Variants in RSF1 observed in about 807,000 individuals in gnomAD.
The protein encoded by RSF1 is remodeling and spacing factor 1.
In RSF1, 13 loss-of-function variants were observed where a neutral mutation model predicts 145.2. That is an observed-to-expected ratio of 0.09 (90% CI 0.06 to 0.14). RSF1 has a LOEUF of 0.14. RSF1 is among the 10% of genes least tolerant of loss of function. The pLI, the probability that RSF1 is intolerant of heterozygous loss-of-function variation, is 1.00. For synonymous variants in RSF1, 577 were observed against 592.6 expected (o/e 0.97, Z 0.38); for missense variants, 1,517 against 1,718.2 (o/e 0.88, Z 2.07).
chr11:77,799,752 G>A (rs182475310), intron 1 of RSF1, among the ~76,000 whole-genome samples: 117 of 152,202 alleles, frequency 7.7e-4, no homozygotes, highest in African/African-American at 2.8e-3. Context: ...TAATAAAATT[G>A]ATAAACCTTT....
chr11:77,806,419 G>T (rs188138076), intron 1 of RSF1, among the ~76,000 whole-genome samples: 1 of 152,110 alleles, frequency 6.6e-6, no homozygotes, highest in Admixed American at 6.5e-5. Context: ...CCCAAAAAAT[G>T]AGTTGAGTGA....
chr11:77,812,851 C>T (rs1292111971), intron 1 of RSF1, among the ~76,000 whole-genome samples: 1 of 143,106 alleles, frequency 7.0e-6, no homozygotes, highest in Non-Finnish European at 1.5e-5. Flanking sequence ...GATCGCACTA[C>T]TACACTCTAG....
chr11:77,705,478 T>C (rs1305556248), intron 5 of RSF1, among the ~76,000 whole-genome samples: 4 of 152,214 alleles, frequency 2.6e-5, no homozygotes, highest in African/African-American at 7.2e-5. Context: ...TAATGATACA[T>C]TGAATATTCT....
At chr11:77,856,670 A>G in the RSF1 span, among the ~76,000 whole-genome samples, 2 of 152,124 alleles carry the variant, frequency 1.3e-5, no homozygotes, top group Admixed American at 6.6e-5. Flanking sequence ...CACATCTTAC[A>G]TGGCTGGAGC....
At chr11:77,732,666 A>T (rs1371910012) in intron 4 of RSF1, among the ~76,000 whole-genome samples, 1 of 152,118 alleles carries the variant, frequency 6.6e-6, no homozygotes, top group Non-Finnish European at 1.5e-5. Context: ...TAAAAACAGG[A>T]GTTCCCTGCA....
chr11:77,661,894 T>G lies in RSF1; in HGVS notation c.*5023A>C, dbSNP rs1358338192. ...CAAGCTGCTGGTCTATGACCAGAAC[T>G]CAATAAATACAGATCAAACAAAACC... On this transcript the variant is annotated 3_prime_UTR_variant, in exon 16 of 16. Coordinates refer to ENST00000308488, the MANE Select transcript of RSF1 (RefSeq NM_016578.4). The G allele has an allele frequency of 1.3e-5, 2 of 152,026 alleles. No homozygotes were observed. Among genetic ancestry groups the G allele is most frequent in the South Asian group, 2.1e-4 (1 of 4,818 alleles). The allele number at this position is 152,026 out of a possible 1,614,324, so 9.4% of individuals were successfully genotyped here. A position where few individuals can be genotyped will look rare whatever the true frequency, so the allele number is the denominator to read the frequency against.
intron 3 of RSF1, 115 bp downstream of exon 3, chr11:77,746,921 T>C: frequency 3.3e-6 from 2 of 604,800 alleles, no homozygotes; most frequent in Admixed American, 3.1e-5. Context: ...TAGACTCCAT[T>C]GTCCTCTTCT....
At chr11:77,821,131 A>G, upstream of RSF1, 1 of 413,648 alleles carries the variant, frequency 2.4e-6, no homozygotes, top group Non-Finnish European at 4.3e-6. Context: ...TGCAGGGCGT[A>G]TTCCCGGAGG....
intron 7 of RSF1, among the ~76,000 whole-genome samples, chr11:77,698,111 GCT>G (rs1960327602): frequency 6.6e-6 from 1 of 152,186 alleles, no homozygotes; most frequent in African/African-American, 2.4e-5. Flanking sequence ...CACCTGAGTA[GCT>G]GGAACTACTG....
intron 9 of RSF1, among the ~76,000 whole-genome samples, chr11:77,689,808 C>G (rs1001196651): frequency 2.0e-5 from 3 of 152,130 alleles, no homozygotes; most frequent in African/African-American, 7.2e-5. Context: ...GAACTGTTGT[C>G]CTGATTATGA....
intron 1 of RSF1, among the ~76,000 whole-genome samples, chr11:77,790,653 G>A (rs1023402201): frequency 2.0e-5 from 3 of 152,142 alleles, no homozygotes; most frequent in Non-Finnish European, 2.9e-5. Flanking sequence ...ATACAATGGG[G>A]GTGCAGGAAG....
At chr11:77,759,616 G>A (rs935484207) in intron 2 of RSF1, among the ~76,000 whole-genome samples, 13 of 152,142 alleles carry the variant, frequency 8.5e-5, no homozygotes, top group African/African-American at 2.7e-4. Context: ...TCCAGGAGGC[G>A]GAGGTTGCAG....
intron 1 of RSF1, among the ~76,000 whole-genome samples, chr11:77,774,316 T>C (rs550745321): frequency 6.5e-4 from 98 of 151,822 alleles, no homozygotes; most frequent in African/African-American, 2.2e-3. Context: ...GAAAAGAGAG[T>C]TCCAGGTTGG....
intron 5 of RSF1, among the ~76,000 whole-genome samples, chr11:77,705,831 C>T (rs145501193): frequency 6.6e-5 from 10 of 151,296 alleles, no homozygotes; most frequent in East Asian, 3.9e-4. Flanking sequence ...CTTGTTGGTG[C>T]GACAAAGCAA....
intron 2 of RSF1, among the ~76,000 whole-genome samples, chr11:77,756,954 G>T (rs1948122281): frequency 6.6e-6 from 1 of 152,222 alleles, no homozygotes; most frequent in African/African-American, 2.4e-5. Context: ...CAGTCAGTGA[G>T]TTATCTACAA....
At chr11:77,771,309 G>A (rs1941020747) in intron 1 of RSF1, among the ~76,000 whole-genome samples, 1 of 152,134 alleles carries the variant, frequency 6.6e-6, no homozygotes, top group South Asian at 2.1e-4. Flanking sequence ...GTGACACACG[G>A]TTAAAACCAT....
chr11:77,696,317 T>A (rs1960276010), intron 7 of RSF1, among the ~76,000 whole-genome samples: 1 of 152,182 alleles, frequency 6.6e-6, no homozygotes, highest in Non-Finnish European at 1.5e-5. Context: ...GACTAAAACA[T>A]CTGGAAAATC....
At chr11:77,704,693 T>C (rs2135858063) in intron 5 of RSF1, among the ~76,000 whole-genome samples, 1 of 152,208 alleles carries the variant, frequency 6.6e-6, no homozygotes, top group South Asian at 2.1e-4. Context: ...TCTTCGCTGG[T>C]GTCATATTTC....
intron 9 of RSF1, among the ~76,000 whole-genome samples, chr11:77,685,915 C>CTG (rs997631472): frequency 3.3e-5 from 5 of 151,974 alleles, no homozygotes; most frequent in African/African-American, 9.7e-5. Flanking sequence ...TAAACAAAAC[C>CTG]TTATCAAGGT....
Sources: gnomAD v4.1 joint callset for allele counts (sites outside exome capture counted in the v4.1 genomes callset) on GRCh38, gnomAD v4.1.1 for gene constraint, MANE v1.5 for transcripts, NCBI Gene and HGNC (gene_info 2026-07-23, HGNC 2026-07-21) for gene names.